MITF: variants seen among roughly 807,000 people sequenced by gnomAD.
MITF encodes melanocyte inducing transcription factor, also known as microphthalmia-associated transcription factor.
In MITF, 17 loss-of-function variants were observed where a neutral mutation model predicts 60.5. The observed-to-expected ratio is 0.28, with a 90% CI of 0.19 to 0.42. The LOEUF (loss-of-function observed/expected upper bound fraction) is 0.42. Ranked by LOEUF, MITF falls within the 10% of genes least tolerant of loss-of-function variation. The pLI is 1.00. For synonymous variants in MITF, 260 were observed against 248.5 expected (o/e 1.05, Z -0.43); for missense variants, 622 against 683.5 (o/e 0.91, Z 1.00).
At chr3:69,917,983 G>A (rs939241241) in intron 2 of MITF, among the ~76,000 whole-genome samples, 2 of 151,810 alleles carry the variant, frequency 1.3e-5, no homozygotes, top group African/African-American at 4.8e-5. Flanking sequence ...TCTCAGCATG[G>A]GATTGTTATA....
At chr3:69,881,176 C>A (rs975395393) in intron 2 of MITF, among the ~76,000 whole-genome samples, 1 of 151,908 alleles carries the variant, frequency 6.6e-6, no homozygotes, top group Non-Finnish European at 1.5e-5. Flanking sequence ...GAGCTACAAC[C>A]CCTAACTTAT....
chr3:69,790,858 C>A (rs1261875090), intron 1 of MITF, among the ~76,000 whole-genome samples: 1 of 152,176 alleles, frequency 6.6e-6, no homozygotes, highest in Non-Finnish European at 1.5e-5. Flanking sequence ...TTATACAAGA[C>A]CCAAGTCCTC....
At chr3:69,802,048 G>A (rs2062929728) in intron 1 of MITF, among the ~76,000 whole-genome samples, 1 of 152,130 alleles carries the variant, frequency 6.6e-6, no homozygotes, top group African/African-American at 2.4e-5. Flanking sequence ...CTTGAGGAAA[G>A]TGGTATTGTA....
intron 8 of MITF, among the ~76,000 whole-genome samples, chr3:69,958,262 A>G (rs2066448881): frequency 6.6e-6 from 1 of 152,190 alleles, no homozygotes; most frequent in South Asian, 2.1e-4. Context: ...TGGCTGCTAA[A>G]GTTACTTCTC....
At chr3:69,888,929 G>A (rs565440960) in intron 2 of MITF, among the ~76,000 whole-genome samples, 3 of 150,830 alleles carry the variant, frequency 2.0e-5, no homozygotes, top group South Asian at 2.1e-4. Context: ...GATTTGGGAT[G>A]TGAGGTGCTT....
rs546838355 is a variant in MITF at position 69,761,600 on chromosome 3, C to T, written c.104+21899C>T. 1.2e-4 allele frequency among the ~76,000 whole-genome samples: 19 copies of T among 152,220 alleles called. No individual in the cohort carries two copies. The South Asian group carries it at 3.9e-3, about 32-fold the overall frequency. On this transcript the variant is annotated intron_variant, in intron 1 of 9. Transcript: ENST00000352241. ...GACTAGGTTTCTTATGAAGTAAAGG[C>T]AGAAGACTCAGGGTGTGGTTGCACA...
chr3:69,838,496 C>T (rs538406113), intron 1 of MITF: 8 of 152,704 alleles, frequency 5.2e-5, no homozygotes, highest in Non-Finnish European at 7.4e-5. Context: ...AAAAACCAGA[C>T]GCATATGTAG....
At chr3:69,820,682 G>C (rs1218202353) in intron 1 of MITF, among the ~76,000 whole-genome samples, 2 of 152,282 alleles carry the variant, frequency 1.3e-5, no homozygotes, top group African/African-American at 4.8e-5. Flanking sequence ...TGGGATCCAT[G>C]AATGGAATGG....
intron 1 of MITF, among the ~76,000 whole-genome samples, chr3:69,740,646 C>T (rs1703497149): frequency 6.6e-6 from 1 of 152,164 alleles, no homozygotes; most frequent in Non-Finnish European, 1.5e-5. Context: ...TCGTACTTCT[C>T]GTTTACAATG....
chr3:69,740,852 A>G (rs979420423), intron 1 of MITF, among the ~76,000 whole-genome samples: 3 of 151,874 alleles, frequency 2.0e-5, no homozygotes, highest in Non-Finnish European at 4.4e-5. Context: ...AGAGTGGGAG[A>G]GGGTCTTGAA....
intron 1 of MITF, among the ~76,000 whole-genome samples, chr3:69,805,593 C>T (rs1301302149): frequency 6.6e-6 from 1 of 152,096 alleles, no homozygotes; most frequent in African/African-American, 2.4e-5. Flanking sequence ...GTTCACAATC[C>T]TCTAATATTT....
chr3:69,818,096 G>A (rs186457986), intron 1 of MITF, among the ~76,000 whole-genome samples: 1 of 152,286 alleles, frequency 6.6e-6, no homozygotes, highest in East Asian at 1.9e-4. Flanking sequence ...ATATTGTAAT[G>A]CAGGGACTTT....
chr3:69,882,450 G>T (rs1295144525), intron 2 of MITF, among the ~76,000 whole-genome samples: 1 of 151,980 alleles, frequency 6.6e-6, no homozygotes, highest in Non-Finnish European at 1.5e-5. Context: ...ACCCAATTGG[G>T]TATTGTAATT....
At chr3:69,790,997 T>G (rs1341009728) in intron 1 of MITF, among the ~76,000 whole-genome samples, 2 of 152,218 alleles carry the variant, frequency 1.3e-5, no homozygotes, top group Non-Finnish European at 2.9e-5. Flanking sequence ...CACTAACTTC[T>G]TTTTAGAGAC....
chr3:69,745,423 G>A (rs1164719712), intron 1 of MITF, among the ~76,000 whole-genome samples: 1 of 152,192 alleles, frequency 6.6e-6, no homozygotes, highest in Admixed American at 6.5e-5. Context: ...CTGTGGCAGG[G>A]TGGGCATCAG....
At chr3:69,909,557 GC>G (rs1158550405) in intron 2 of MITF, among the ~76,000 whole-genome samples, 29 of 152,266 alleles carry the variant, frequency 1.9e-4, no homozygotes, top group African/African-American at 6.7e-4. Flanking sequence ...TTGTTGAATG[GC>G]TTTGACTAAA....
intron 1 of MITF, among the ~76,000 whole-genome samples, chr3:69,844,156 G>C (rs2063689640): frequency 6.6e-6 from 1 of 152,076 alleles, no homozygotes. Flanking sequence ...ATGGACATTT[G>C]GGTTGGTTCC....
At chr3:69,878,083 C>T (rs748292875) in intron 1 of MITF, among the ~76,000 whole-genome samples, 1 of 152,114 alleles carries the variant, frequency 6.6e-6, no homozygotes, top group Non-Finnish European at 1.5e-5. Context: ...TGTACTAGGG[C>T]ATTTATGTGC....
At chr3:69,879,511 T>C in intron 2 of MITF, 128 bp downstream of exon 2, 1 of 1,474,732 alleles carries the variant, frequency 6.8e-7, no homozygotes, top group South Asian at 1.2e-5. Context: ...AAACTCCAAC[T>C]CCCTTAATTC....
Sources: gnomAD v4.1 joint callset for allele counts (sites outside exome capture counted in the v4.1 genomes callset) on GRCh38, gnomAD v4.1.1 for gene constraint, MANE v1.5 for transcripts, NCBI Gene and HGNC (gene_info 2026-07-23, HGNC 2026-07-21) for gene names.